UXS1: variants seen among roughly 807,000 people sequenced by gnomAD.
UXS1 encodes UDP-glucuronic acid decarboxylase 1.
UXS1 carries 33 observed loss-of-function variants against 62.6 expected under a neutral mutation model. The observed-to-expected ratio is 0.53, with a 90% CI of 0.40 to 0.70. The LOEUF is 0.70. Ranked by LOEUF, UXS1 falls within the 30% of genes least tolerant of loss-of-function variation. UXS1 has a pLI of 0.00. For missense variants in UXS1, 434 were observed against 556.3 expected (o/e 0.78, Z 2.21); for synonymous variants, 213 against 206.8 (o/e 1.03, Z -0.26).
intron 14 of UXS1, among the ~76,000 whole-genome samples, chr2:106,096,303 T>C (rs970802308): frequency 2.0e-5 from 3 of 151,962 alleles, no homozygotes; most frequent in African/African-American, 7.3e-5. Flanking sequence ...AGTGTGAATG[T>C]ATATGTATGT....
intron 1 of UXS1, among the ~76,000 whole-genome samples, chr2:106,173,483 G>T (rs1476833371): frequency 6.6e-6 from 1 of 152,288 alleles, no homozygotes; most frequent in South Asian, 2.1e-4. Context: ...GAGCCCAGGA[G>T]GTTGAGGCTG....
At chr2:106,105,145 G>A (rs1677951753) in intron 10 of UXS1, among the ~76,000 whole-genome samples, 1 of 151,954 alleles carries the variant, frequency 6.6e-6, no homozygotes, top group Admixed American at 6.5e-5. Flanking sequence ...GTGAGGCTCT[G>A]GGGGGCTGTG....
At chr2:106,130,045 T>C (rs1456627508) in intron 6 of UXS1, among the ~76,000 whole-genome samples, 1 of 152,226 alleles carries the variant, frequency 6.6e-6, no homozygotes, top group Non-Finnish European at 1.5e-5. Flanking sequence ...CTGAGTTGAT[T>C]GTTTTCTGAA....
intron 3 of UXS1, 66 bp from the exon 4 acceptor site, chr2:106,163,776 T>C: frequency 9.5e-7 from 1 of 1,056,516 alleles, no homozygotes; most frequent in Non-Finnish European, 1.3e-6. Context: ...TTTCACCCCA[T>C]TCTGATGTTT....
chr2:106,099,437 C>T (rs565669110), intron 12 of UXS1, among the ~76,000 whole-genome samples: 56 of 152,316 alleles, frequency 3.7e-4, no homozygotes, highest in African/African-American at 1.3e-3. Context: ...ACCCTAAAGC[C>T]TCTTCATGCC....
At chr2:106,101,265 C>T in intron 11 of UXS1, 147 bp from the exon 12 acceptor site, 1 of 723,198 alleles carries the variant, frequency 1.4e-6, no homozygotes, top group Non-Finnish European at 2.3e-6. Flanking sequence ...AAACAAAATC[C>T]TACAAACTAA....
chr2:106,150,709 C>CG (rs1019647737), intron 5 of UXS1, among the ~76,000 whole-genome samples: 2 of 152,088 alleles, frequency 1.3e-5, no homozygotes, highest in Admixed American at 6.5e-5. Context: ...TGGGAGGTGG[C>CG]GGGGGGTAGG....
chr2:106,141,011 C>T (rs1681054650), intron 6 of UXS1, among the ~76,000 whole-genome samples: 1 of 152,212 alleles, frequency 6.6e-6, no homozygotes. Flanking sequence ...GACAGAGACA[C>T]AGATGTGTGG....
chr2:106,154,469 G>A (rs1267007372), intron 5 of UXS1, among the ~76,000 whole-genome samples: 5 of 152,172 alleles, frequency 3.3e-5, no homozygotes, highest in African/African-American at 1.2e-4. Context: ...CTAAAGGCAT[G>A]CAAAGACCCA....
chr2:106,178,997 G>A (rs985505516), intron 1 of UXS1, among the ~76,000 whole-genome samples: 3 of 152,144 alleles, frequency 2.0e-5, no homozygotes, highest in Non-Finnish European at 2.9e-5. Flanking sequence ...CCTGTGGGCT[G>A]GACGGGGCAC....
At chr2:106,120,902 C>T (rs1679470304) in intron 9 of UXS1, among the ~76,000 whole-genome samples, 1 of 152,196 alleles carries the variant, frequency 6.6e-6, no homozygotes, top group East Asian at 1.9e-4. Flanking sequence ...GTCAGGGATG[C>T]TACCTTGAGC....
chr2:106,112,808 G>C, intron 9 of UXS1, 43 bp from the exon 10 acceptor site: 1 of 1,591,386 alleles, frequency 6.3e-7, no homozygotes, highest in Non-Finnish European at 8.6e-7. Flanking sequence ...TCCCCTGTGT[G>C]GTCCACGCAT....
intron 1 of UXS1, among the ~76,000 whole-genome samples, chr2:106,172,501 G>A (rs115977741): frequency 1.7e-3 from 252 of 152,286 alleles, no homozygotes; most frequent in African/African-American, 5.8e-3. Context: ...GTGAGGTCCG[G>A]TAGCCAAGGT....
In UXS1 at chr2:106,104,668, A is replaced by C. The variant is rs1235557179; in HGVS notation, c.923+126T>G. 6.9e-6 allele frequency: 8 copies of C among 1,161,832 alleles called. No individual in the cohort carries two copies. In the Admixed American group the frequency reaches 1.9e-4, roughly 28 times the overall value. 72.0% of individuals were successfully genotyped at this position (1,161,832 alleles called of 1,614,324 possible). ...TCCCATCATAAAATTAAAAATTTTT[A>C]ATCAATATATAGTGTTAGCGTTGTG... On this transcript the variant is annotated intron_variant, in intron 11 of 14. Coordinates refer to ENST00000283148, the MANE Select transcript of UXS1 (RefSeq NM_001253875.2).
chr2:106,103,213 GA>G (rs1677738991), intron 11 of UXS1, among the ~76,000 whole-genome samples: 1 of 152,246 alleles, frequency 6.6e-6, no homozygotes, highest in African/African-American at 2.4e-5. Context: ...CTAGCAAAAA[GA>G]AAAGTCTCTG....
chr2:106,157,345 T>C (rs1035796638), intron 5 of UXS1, among the ~76,000 whole-genome samples: 3 of 152,226 alleles, frequency 2.0e-5, no homozygotes, highest in East Asian at 1.9e-4. Flanking sequence ...GTTTCTTTCA[T>C]TGGTGAGTTT....
chr2:106,158,178 C>G, intron 4 of UXS1, 60 bp from the exon 5 acceptor site: 1 of 1,401,722 alleles, frequency 7.1e-7, no homozygotes, highest in East Asian at 2.5e-5. Flanking sequence ...AATATTTTCT[C>G]TGTCTACCAT....
At chr2:106,103,852 TA>T (rs555604656) in intron 11 of UXS1, among the ~76,000 whole-genome samples, 246 of 152,294 alleles carry the variant, frequency 1.6e-3, no homozygotes, top group Middle Eastern at 3.4e-3. Context: ...AATTTTATTT[TA>T]CTACCAGTTC....
At chr2:106,158,917 C>A (rs1169358819) in intron 4 of UXS1, among the ~76,000 whole-genome samples, 2 of 152,194 alleles carry the variant, frequency 1.3e-5, no homozygotes, top group Non-Finnish European at 2.9e-5. Flanking sequence ...AGAGATGTCA[C>A]CCGGTCCTCA....
Sources: allele counts gnomAD v4.1 joint callset (sites outside exome capture counted in the v4.1 genomes callset), GRCh38; gene constraint gnomAD v4.1.1; transcripts MANE v1.5; gene names NCBI Gene and HGNC (gene_info 2026-07-23, HGNC 2026-07-21).